WDR41: variants seen among roughly 807,000 people sequenced by gnomAD.
WDR41 encodes the protein WD repeat domain 41.
WDR41 carries 63 observed loss-of-function variants against 69.3 expected under a neutral mutation model. That is an observed-to-expected ratio of 0.91 (90% CI 0.74 to 1.12). WDR41 has a LOEUF of 1.12. Among genes scored for constraint, WDR41 ranks in the 50% most tolerant of loss-of-function variants. The probability of loss-of-function intolerance (pLI) is 0.00; values close to 1 mark genes in which losing one functional copy is unlikely to be tolerated. For synonymous variants in WDR41, 185 were observed against 192.1 expected (o/e 0.96, Z 0.31); for missense variants, 543 against 534.5 (o/e 1.02, Z -0.16).
intron 1 of WDR41, among the ~76,000 whole-genome samples, chr5:77,542,346 T>C (rs918273028): frequency 1.3e-5 from 2 of 152,104 alleles, no homozygotes; most frequent in Admixed American, 1.3e-4. Flanking sequence ...ACGTAGGTGA[T>C]GGGATGATCT....
chr5:77,482,772 G>A (rs74725899), intron 2 of WDR41, among the ~76,000 whole-genome samples: 4,308 of 150,694 alleles, frequency 0.029, 195 homozygotes, highest in African/African-American at 0.097. Context: ...CCCAAACTAT[G>A]CCACTCTGAC....
chr5:77,512,722 G>T (rs1328573137), intron 1 of WDR41, among the ~76,000 whole-genome samples: 1 of 135,234 alleles, frequency 7.4e-6, no homozygotes, highest in African/African-American at 2.8e-5. Context: ...CTCTAGCCTG[G>T]CGAGAGAGCG....
intron 1 of WDR41, among the ~76,000 whole-genome samples, chr5:77,594,748 A>C (rs1425310290): frequency 1.3e-5 from 2 of 152,198 alleles, no homozygotes; most frequent in Non-Finnish European, 2.9e-5. Context: ...CAGGGGAAAA[A>C]AAGCTGTTTT....
At chr5:77,620,201 C>G (rs1005898743) in intron 1 of WDR41, among the ~76,000 whole-genome samples, 1 of 152,016 alleles carries the variant, frequency 6.6e-6, no homozygotes, top group Admixed American at 6.6e-5. Flanking sequence ...TGCAGAATGC[C>G]TCTGTGCAAA....
chr5:77,525,285 A>C (rs890112927), intron 1 of WDR41, among the ~76,000 whole-genome samples: 2 of 152,154 alleles, frequency 1.3e-5, no homozygotes, highest in African/African-American at 4.8e-5. Flanking sequence ...AAATGTCACA[A>C]ATTATTTTAG....
At chr5:77,465,590 TATAA>T (rs1209417330) in intron 2 of WDR41, among the ~76,000 whole-genome samples, 9 of 152,060 alleles carry the variant, frequency 5.9e-5, no homozygotes, top group Non-Finnish European at 1.0e-4. Flanking sequence ...AACAAAGTAG[TATAA>T]ATAATCACAT....
chr5:77,503,149 A>C (rs1802045757), intron 1 of WDR41, among the ~76,000 whole-genome samples: 1 of 151,282 alleles, frequency 6.6e-6, no homozygotes, highest in Non-Finnish European at 1.5e-5. Context: ...CATAGGCTCA[A>C]AATAAAGGGA....
chr5:77,517,878 A>G (rs947075466), intron 1 of WDR41, among the ~76,000 whole-genome samples: 10 of 152,138 alleles, frequency 6.6e-5, no homozygotes, highest in Non-Finnish European at 1.2e-4. Context: ...ACTGTAGATA[A>G]AGACATTAGC....
At chr5:77,611,735 GA>G (rs1486998182) in intron 1 of WDR41, among the ~76,000 whole-genome samples, 1 of 151,344 alleles carries the variant, frequency 6.6e-6, no homozygotes. Flanking sequence ...AAAAGAACTA[GA>G]AAAGCAAGAG....
chr5:77,487,427 A>C (rs6869902), intron 2 of WDR41, among the ~76,000 whole-genome samples: 5,838 of 151,880 alleles, frequency 0.038, 121 homozygotes, highest in Middle Eastern at 0.1. Context: ...TAACATTGCC[A>C]AAAAAAAGGC....
At chr5:77,436,846 G>A (rs909014920) in intron 11 of WDR41, among the ~76,000 whole-genome samples, 65 of 152,274 alleles carry the variant, frequency 4.3e-4, no homozygotes, top group African/African-American at 1.6e-3. Flanking sequence ...GCAAAGGTTG[G>A]TAACTAATTT....
rs551151388 is a variant in WDR41, at chr5:77,472,278, C to A, written c.168-7469G>T. Among the ~76,000 whole-genome samples the A allele has an allele frequency of 1.3e-3, 202 of 152,028 alleles. 4 individuals are homozygous for A. The South Asian group carries it at 0.038, about 28-fold the overall frequency. ...AGGTATGGATGGGACATATCTCAAA[C>A]TAATAAGAGCTATCTGTGACAAACC... On this transcript the variant is annotated intron_variant, in intron 2 of 12. Coordinates refer to ENST00000296679, the MANE Select transcript of WDR41 (RefSeq NM_018268.4).
intron 8 of WDR41, among the ~76,000 whole-genome samples, chr5:77,442,933 A>C: frequency 8.9e-6 from 1 of 112,350 alleles, no homozygotes; most frequent in African/African-American, 3.9e-5. Flanking sequence ...TCCATTTTAC[A>C]TATTATTTAT....
intron 1 of WDR41, among the ~76,000 whole-genome samples, chr5:77,536,500 C>T (rs146047314): frequency 3.2e-4 from 49 of 151,812 alleles, no homozygotes; most frequent in Middle Eastern, 6.8e-3. Flanking sequence ...AAGTCAAAGA[C>T]GAGGAAAAAA....
At chr5:77,442,263 A>G (rs1799195529) in intron 8 of WDR41, among the ~76,000 whole-genome samples, 1 of 152,256 alleles carries the variant, frequency 6.6e-6, no homozygotes, top group African/African-American at 2.4e-5. Context: ...AATCTTAAAA[A>G]TCTGAAGATA....
chr5:77,540,360 C>T (rs1743065417), intron 1 of WDR41: 1 of 152,190 alleles, frequency 6.6e-6, no homozygotes, highest in Admixed American at 6.5e-5. Flanking sequence ...CTTGAAACTT[C>T]TCAAGACTGG....
chr5:77,475,471 T>A (rs935842444), intron 2 of WDR41, among the ~76,000 whole-genome samples: 1 of 152,164 alleles, frequency 6.6e-6, no homozygotes, highest in Non-Finnish European at 1.5e-5. Flanking sequence ...CAGCTGGAGA[T>A]CTGACAACGG....
intron 1 of WDR41, among the ~76,000 whole-genome samples, chr5:77,502,318 A>C (rs1212762714): frequency 6.6e-6 from 1 of 152,200 alleles, no homozygotes; most frequent in Non-Finnish European, 1.5e-5. Flanking sequence ...AAAAGGTTAG[A>C]GAAAAAAAAG....
chr5:77,460,694 ATAC>A (rs139013367), intron 4 of WDR41, among the ~76,000 whole-genome samples: 37,424 of 151,908 alleles, frequency 0.25, 5,515 homozygotes, highest in Non-Finnish European at 0.33. Context: ...TATTTTTCAT[ATAC>A]ACCTTATACA....
Sources: allele counts gnomAD v4.1 joint callset (sites outside exome capture counted in the v4.1 genomes callset), GRCh38; gene constraint gnomAD v4.1.1; transcripts MANE v1.5; gene names NCBI Gene and HGNC (gene_info 2026-07-23, HGNC 2026-07-21).